LDB2: variants seen among roughly 807,000 people sequenced by gnomAD.
LDB2 encodes the protein LIM domain-binding protein 2.
A neutral mutation model predicts 44.3 loss-of-function variants in LDB2; 12 were observed. That is an observed-to-expected ratio of 0.27 (90% CI 0.17 to 0.44). The LOEUF (loss-of-function observed/expected upper bound fraction) is 0.44. Ranked by LOEUF, LDB2 falls within the 20% of genes least tolerant of loss-of-function variation. The pLI, the probability that LDB2 is intolerant of heterozygous loss-of-function variation, is 1.00. For synonymous variants in LDB2, 164 were observed against 174.8 expected (o/e 0.94, Z 0.49); for missense variants, 344 against 473.5 (o/e 0.73, Z 2.54).
chr4:16,613,366 A>G (rs148887818), intron 2 of LDB2, among the ~76,000 whole-genome samples: 2,106 of 152,318 alleles, frequency 0.014, 50 homozygotes, highest in African/African-American at 0.048. Flanking sequence ...GGCCAGGGCA[A>G]TCAGGCAACA....
At chr4:16,511,570 C>T (rs897777192) in intron 6 of LDB2, among the ~76,000 whole-genome samples, 6 of 151,714 alleles carry the variant, frequency 4.0e-5, no homozygotes, top group African/African-American at 1.5e-4. Context: ...TCTTCCCTTT[C>T]TTCCTTCCTT....
intron 1 of LDB2, 27 bp from the exon 2 acceptor site, chr4:16,759,287 A>G: frequency 6.7e-7 from 1 of 1,486,894 alleles, no homozygotes; most frequent in Non-Finnish European, 9.4e-7. Flanking sequence ...CATTTATTTA[A>G]CAAGGGAAAG....
chr4:16,561,236 G>A (rs1195261831), intron 5 of LDB2, among the ~76,000 whole-genome samples: 1 of 152,072 alleles, frequency 6.6e-6, no homozygotes, highest in Non-Finnish European at 1.5e-5. Context: ...GGCAGGAGAA[G>A]GAAATAAAGG....
intron 1 of LDB2, among the ~76,000 whole-genome samples, chr4:16,846,458 T>C (rs1374208680): frequency 6.6e-6 from 1 of 152,244 alleles, no homozygotes; most frequent in East Asian, 1.9e-4. Context: ...AGTTGCATTT[T>C]AACTTATTGG....
At chr4:16,682,331 T>G (rs1214424499) in intron 2 of LDB2, among the ~76,000 whole-genome samples, 1 of 152,130 alleles carries the variant, frequency 6.6e-6, no homozygotes, top group Non-Finnish European at 1.5e-5. Flanking sequence ...TTATTAGAGA[T>G]AGAAAAATAA....
chr4:16,728,732 G>T (rs563082306), intron 2 of LDB2, among the ~76,000 whole-genome samples: 4 of 152,250 alleles, frequency 2.6e-5, no homozygotes, highest in Admixed American at 6.5e-5. Context: ...TCTTTCTGAG[G>T]GCAGGATCAT....
intron 5 of LDB2, among the ~76,000 whole-genome samples, chr4:16,514,575 T>C (rs1722953765): frequency 6.6e-6 from 1 of 152,222 alleles, no homozygotes; most frequent in African/African-American, 2.4e-5. Context: ...TTTGTACCTA[T>C]TACTGACCTA....
chr4:16,822,073 T>G (rs942523349), intron 1 of LDB2, among the ~76,000 whole-genome samples: 2 of 151,738 alleles, frequency 1.3e-5, no homozygotes, highest in African/African-American at 2.4e-5. Context: ...AGGTCTCATT[T>G]GTAAAATGGA....
intron 1 of LDB2, among the ~76,000 whole-genome samples, chr4:16,895,700 C>G (rs923975939): frequency 6.6e-6 from 1 of 152,082 alleles, no homozygotes; most frequent in African/African-American, 2.4e-5. Context: ...GCTAAATTCT[C>G]AAAGTAGTCA....
chr4:16,691,620 T>C (rs1488605228), intron 2 of LDB2, among the ~76,000 whole-genome samples: 1 of 152,178 alleles, frequency 6.6e-6, no homozygotes, highest in Non-Finnish European at 1.5e-5. Context: ...ATTTCAAGAA[T>C]GAGAACTCTG....
chr4:16,659,427 C>T (rs1740832760), intron 2 of LDB2, among the ~76,000 whole-genome samples: 2 of 152,110 alleles, frequency 1.3e-5, no homozygotes, highest in South Asian at 4.1e-4. Flanking sequence ...TAATTCCATA[C>T]TTTTCCTGAA....
chr4:16,800,868 G>T (rs1777678659), intron 1 of LDB2, among the ~76,000 whole-genome samples: 2 of 152,290 alleles, frequency 1.3e-5, no homozygotes, highest in Admixed American at 6.5e-5. Context: ...CTAGAGACAG[G>T]GTTTCACCGT....
intron 5 of LDB2, among the ~76,000 whole-genome samples, chr4:16,573,076 A>T (rs1747146530): frequency 6.6e-6 from 1 of 152,190 alleles, no homozygotes; most frequent in African/African-American, 2.4e-5. Context: ...AGCTTCTAAG[A>T]ACAAGCCAGG....
intron 2 of LDB2, among the ~76,000 whole-genome samples, chr4:16,636,519 G>A (rs1733647069): frequency 6.6e-6 from 1 of 152,174 alleles, no homozygotes. Context: ...GAGATAAGTT[G>A]ATCCCTAGAC....
At chr4:16,628,592 A>G (rs919293939) in intron 2 of LDB2, among the ~76,000 whole-genome samples, 2 of 150,372 alleles carry the variant, frequency 1.3e-5, no homozygotes, top group Admixed American at 6.6e-5. Flanking sequence ...GTCCTGTACC[A>G]TTCGAGAAAG....
chr4:16,843,039 A>T (rs557571908), intron 1 of LDB2, among the ~76,000 whole-genome samples: 5 of 152,022 alleles, frequency 3.3e-5, no homozygotes, highest in African/African-American at 1.2e-4. Flanking sequence ...CCACGCAGCC[A>T]TTTTTTTTGT....
At chr4:16,816,198 C>CT (rs963521001) in intron 1 of LDB2, among the ~76,000 whole-genome samples, 1 of 152,094 alleles carries the variant, frequency 6.6e-6, no homozygotes, top group African/African-American at 2.4e-5. Context: ...GAGCAAGACT[C>CT]TGTCTCCAAA....
At chr4:16,601,628 A>T (rs781701294) in intron 2 of LDB2, among the ~76,000 whole-genome samples, 10 of 152,270 alleles carry the variant, frequency 6.6e-5, no homozygotes, top group South Asian at 6.2e-4. Flanking sequence ...GATTTAAAAA[A>T]TTTTTATCTA....
chr4:16,711,175 G>A (rs1313086816), intron 2 of LDB2, among the ~76,000 whole-genome samples: 2 of 152,192 alleles, frequency 1.3e-5, no homozygotes, highest in Admixed American at 6.5e-5. Context: ...CACCTAAAGT[G>A]CATTACAACA....
Sources: gnomAD v4.1 joint callset for allele counts (sites outside exome capture counted in the v4.1 genomes callset) on GRCh38, gnomAD v4.1.1 for gene constraint, MANE v1.5 for transcripts, NCBI Gene and HGNC (gene_info 2026-07-23, HGNC 2026-07-21) for gene names.